ITSN1: variants seen among roughly 807,000 people sequenced by gnomAD.
The protein encoded by ITSN1 is intersectin 1, also known as intersectin-1.
In ITSN1, 58 loss-of-function variants were observed where a neutral mutation model predicts 239.8. The ratio of observed to expected loss-of-function variants is 0.24; its 90% confidence interval spans 0.20 to 0.30. The LOEUF (loss-of-function observed/expected upper bound fraction) is 0.30, where lower values mean the gene tolerates loss of function less well. Ranked by LOEUF, ITSN1 falls within the 10% of genes least tolerant of loss-of-function variation. The probability of loss-of-function intolerance (pLI) is 1.00; values close to 1 mark genes in which losing one functional copy is unlikely to be tolerated. For synonymous variants in ITSN1, 780 were observed against 770.8 expected (o/e 1.01, Z -0.20); for missense variants, 1,558 against 2,103.3 (o/e 0.74, Z 5.07).
At chr21:33,813,061 TAC>T (rs1280596582) in intron 21 of ITSN1, among the ~76,000 whole-genome samples, 1 of 152,184 alleles carries the variant, frequency 6.6e-6, no homozygotes, top group African/African-American at 2.4e-5. Context: ...GCTTTGCAGT[TAC>T]AGAGTATTTC....
intron 8 of ITSN1, among the ~76,000 whole-genome samples, chr21:33,761,096 G>A (rs1356305046): frequency 2.7e-5 from 4 of 149,662 alleles, no homozygotes; most frequent in African/African-American, 7.4e-5. Context: ...TTTTAATTGA[G>A]ACAGTGTCTC....
chr21:33,731,405 G>A (rs752002715), intron 4 of ITSN1, among the ~76,000 whole-genome samples: 2 of 152,120 alleles, frequency 1.3e-5, no homozygotes, highest in African/African-American at 4.8e-5. Flanking sequence ...CCACCAAACC[G>A]TTTTAAATAG....
Position 33,774,715 on chromosome 21 carries a change from T to C in ITSN1, c.1306-14T>C, listed in dbSNP as rs2069460761. On this transcript the variant is annotated splice_polypyrimidine_tract_variant and intron_variant, in intron 12 of 39. Coordinates refer to ENST00000381318, the MANE Select transcript of ITSN1 (RefSeq NM_003024.3). ...AACTGAAAAATTAGTAATTTGTCTC[T>C]GTAAATGTCACAGGCTGCAAAACGG... 6.2e-7 allele frequency: 1 copy of C among 1,608,396 alleles called. No homozygotes were observed. The highest frequency in any genetic ancestry group is 1.7e-5 in the Admixed American group (1 of 58,094).
intron 1 of ITSN1, among the ~76,000 whole-genome samples, chr21:33,713,534 C>G (rs2092477170): frequency 6.6e-6 from 1 of 151,494 alleles, no homozygotes; most frequent in African/African-American, 2.4e-5. Flanking sequence ...GAGCACCACT[C>G]CCGGTCTCAA....
rs535841372 is a variant in ITSN1, at chr21:33,875,671, C to T, written c.4341+150C>T. ...GCTGCTTCTCATCTGCTGTTTCATC[C>T]ACCCACTGAGTATTTATTTATTTAT... is the stretch of plus-strand genomic sequence containing the variant. On this transcript the variant is annotated intron_variant, in intron 34 of 39. Transcript: ENST00000381318. 7.4e-5 allele frequency: 52 copies of T among 701,212 alleles called. No homozygotes were observed. The South Asian group carries it at 8.5e-4, about 11-fold the overall frequency. The allele number at this position is 701,212 out of a possible 1,614,324, so 43.4% of individuals were successfully genotyped here.
intron 1 of ITSN1, among the ~76,000 whole-genome samples, chr21:33,646,281 A>G (rs1209287999): frequency 6.6e-6 from 1 of 152,232 alleles, no homozygotes; most frequent in Non-Finnish European, 1.5e-5. Context: ...GAAGATTCAG[A>G]ACAAAGCATT....
At chr21:33,716,777 C>T (rs931915779) in intron 1 of ITSN1, among the ~76,000 whole-genome samples, 4 of 151,386 alleles carry the variant, frequency 2.6e-5, no homozygotes, top group Admixed American at 2.6e-4. Flanking sequence ...CATGGTGAAA[C>T]TCCATCTCTA....
At chr21:33,829,973 A>G (rs764791629) in intron 27 of ITSN1, among the ~76,000 whole-genome samples, 1 of 152,170 alleles carries the variant, frequency 6.6e-6, no homozygotes, top group Non-Finnish European at 1.5e-5. Context: ...TATCTTTCCC[A>G]TTCCTGAATT....
chr21:33,870,048 A>G (rs1270931967), intron 33 of ITSN1, among the ~76,000 whole-genome samples: 3 of 151,592 alleles, frequency 2.0e-5, no homozygotes. Context: ...ATTATCCTCA[A>G]TGTGTTTCCT....
Position 33,819,300 on chromosome 21 carries a change from C to G in ITSN1, c.2993C>G (p.Ala998Gly), listed in dbSNP as rs1256054576. ...CTAAAGCGAGTAGCCTCTCCAGCAG[C>G]CAAGCCGGTCGTTTCGGGAGAAGGT... ...ASLKRVASPA[A>G]KPVVSGEEFI... The change falls in exon 24 of 40, where the codon GCC becomes GGC. Residue 998 changes from alanine to glycine, a missense_variant. By Grantham distance (60) the Ala-to-Gly change is moderately conservative. Around this residue, in one of 2 missense-constraint regions of ITSN1, gnomAD observed 982 missense variants for 1,209.9 expected, o/e 0.81. Transcript: ENST00000381318. 2 of 1,613,900 alleles carry G rather than the reference C, an allele frequency of 1.2e-6. No individual in the cohort carries two copies. The highest frequency in any genetic ancestry group is 2.7e-5 in the African/African-American group (2 of 74,916).
At chr21:33,655,279 G>A (rs115222508) in intron 1 of ITSN1, among the ~76,000 whole-genome samples, 98 of 152,074 alleles carry the variant, frequency 6.4e-4, no homozygotes, top group African/African-American at 2.2e-3. Flanking sequence ...GAATTTCAGT[G>A]GTGTCATTTC....
chr21:33,835,456 T>G (rs529071409), intron 28 of ITSN1, among the ~76,000 whole-genome samples: 1 of 152,166 alleles, frequency 6.6e-6, no homozygotes, highest in Admixed American at 6.5e-5. Flanking sequence ...GAAAGATTCA[T>G]AGGGACTGTG....
intron 31 of ITSN1, among the ~76,000 whole-genome samples, chr21:33,861,734 C>CAGG (rs1317812473): frequency 1.3e-5 from 2 of 152,106 alleles, no homozygotes; most frequent in Non-Finnish European, 2.9e-5. Flanking sequence ...ATCATGAGGT[C>CAGG]AGGAGATTGA....
chr21:33,772,012 TC>T (rs1407929952), intron 11 of ITSN1, 48 bp from the exon 12 acceptor site: 3 of 1,592,354 alleles, frequency 1.9e-6, no homozygotes, highest in Non-Finnish European at 2.6e-6. Context: ...TTGAAAAGAG[TC>T]CGTTGAAAAT....
At chr21:33,794,819 C>T (rs1050358317) in intron 17 of ITSN1, among the ~76,000 whole-genome samples, 1 of 152,178 alleles carries the variant, frequency 6.6e-6, no homozygotes, top group Non-Finnish European at 1.5e-5. Context: ...AAAATCCAAG[C>T]CACTGAGCTA....
chr21:33,650,468 C>T (rs181325083), intron 1 of ITSN1, among the ~76,000 whole-genome samples: 1 of 152,218 alleles, frequency 6.6e-6, no homozygotes, highest in East Asian at 1.9e-4. Context: ...ATTTCCTGAC[C>T]GGTTTTATTG....
intron 33 of ITSN1, among the ~76,000 whole-genome samples, chr21:33,874,476 A>T (rs9983504): frequency 0.2 from 30,968 of 151,992 alleles, 4,643 homozygotes; most frequent in African/African-American, 0.43. Flanking sequence ...TTAGACCCTC[A>T]TCAGTGGGTT....
In ITSN1 at chr21:33,813,749, TC is replaced by T. The variant is rs1380372335; in HGVS notation, c.2568-162del. 2.7e-5 allele frequency among the ~76,000 whole-genome samples: 4 copies of T among 148,662 alleles called. No homozygotes were observed. In the Admixed American group the frequency reaches 2.8e-4, roughly 10 times the overall value. Reference sequence around the variant, plus strand: ...GCCATCTTTTTCTTTTTTCTTTTTTTCCTCTTTTATTTATTTATTTATTTTT... The same window carrying T: ...GCCATCTTTTTCTTTTTTCTTTTTTTCTCTTTTATTTATTTATTTATTTTT... On this transcript the variant is annotated intron_variant, in intron 21 of 39. Transcript: ENST00000381318.
intron 29 of ITSN1, chr21:33,836,984 T>C (rs2074637618): frequency 6.2e-7 from 1 of 1,612,822 alleles, no homozygotes; most frequent in Non-Finnish European, 8.5e-7. Context: ...CTCCTTTTTC[T>C]AGGAATCATA....
Sources: allele counts gnomAD v4.1 joint callset (sites outside exome capture counted in the v4.1 genomes callset), GRCh38; gene constraint gnomAD v4.1.1; regional missense constraint gnomAD v4.1.1; transcripts MANE v1.5; gene names NCBI Gene and HGNC (gene_info 2026-07-23, HGNC 2026-07-21).